The following ZC3HAV1 variants were observed in gnomAD, a reference collection of about 807,000 sequenced individuals.
ZC3HAV1 encodes the protein zinc finger CCCH-type antiviral protein 1.
In ZC3HAV1, 41 loss-of-function variants were observed where a neutral mutation model predicts 86.6. The ratio of observed to expected loss-of-function variants is 0.47; its 90% confidence interval spans 0.37 to 0.61. The LOEUF (loss-of-function observed/expected upper bound fraction) is 0.61. Among genes scored for constraint, ZC3HAV1 ranks in the 20% least tolerant of loss-of-function variants. ZC3HAV1 has a pLI of 0.00. For missense variants in ZC3HAV1, 964 were observed against 1,141.1 expected (o/e 0.84, Z 2.24); for synonymous variants, 421 against 432.1 (o/e 0.97, Z 0.32).
At chr7:139,051,118 C>T (rs1650856252) in intron 12 of ZC3HAV1, among the ~76,000 whole-genome samples, 1 of 150,626 alleles carries the variant, frequency 6.6e-6, no homozygotes, top group South Asian at 2.1e-4. Flanking sequence ...TGTGCAATGG[C>T]ATGATCTCAG....
At chr7:139,074,594 A>C (rs1032962135) in intron 6 of ZC3HAV1, among the ~76,000 whole-genome samples, 7 of 151,886 alleles carry the variant, frequency 4.6e-5, no homozygotes, top group Non-Finnish European at 7.4e-5. Context: ...TTAATTTGCA[A>C]AAATATAAAA....
chr7:139,083,042 A>G (rs1355180061), intron 3 of ZC3HAV1, among the ~76,000 whole-genome samples: 4 of 151,354 alleles, frequency 2.6e-5, no homozygotes, highest in African/African-American at 9.7e-5. Flanking sequence ...TGATATTTAC[A>G]TATATCAAAT....
chr7:139,104,743 A>AAAAAAC (rs1817878679), intron 1 of ZC3HAV1, among the ~76,000 whole-genome samples: 1 of 135,972 alleles, frequency 7.4e-6, no homozygotes, highest in Admixed American at 7.6e-5. Flanking sequence ...AAAAAAAAAA[A>AAAAAAC]AAAGTCAAAC....
intron 1 of ZC3HAV1, among the ~76,000 whole-genome samples, chr7:139,092,934 C>G (rs991805482): frequency 6.6e-6 from 1 of 152,260 alleles, no homozygotes; most frequent in Admixed American, 6.5e-5. Context: ...CCCACATTCC[C>G]TAGACTTCTC....
Position 139,095,770 on chromosome 7 carries a change from T to C in ZC3HAV1, c.309-6011A>G, listed in dbSNP as rs370717408. Among the ~76,000 whole-genome samples, 186 of 152,330 alleles carry C rather than the reference T, an allele frequency of 1.2e-3. 1 individual carries two copies. Among genetic ancestry groups the C allele is most frequent in the African/African-American group, 4.1e-3 (171 of 41,574 alleles). On this transcript the variant is annotated intron_variant, in intron 1 of 12. Transcript: ENST00000242351. ...TGACTTCTCTAGTCCCCTAAGTTCA[T>C]GGTTCACAAGCTTGTTGCCCATTAA...
At chr7:139,074,074 CCT>C (rs767007971) in intron 6 of ZC3HAV1, 44 bp from the exon 7 acceptor site, 21 of 1,560,424 alleles carry the variant, frequency 1.3e-5, no homozygotes, top group African/African-American at 2.7e-5. Context: ...TTCATTGACC[CCT>C]GTTTTCTACA....
chr7:139,088,119 C>T (rs766765829), intron 2 of ZC3HAV1, among the ~76,000 whole-genome samples: 113 of 151,570 alleles, frequency 7.5e-4, no homozygotes, highest in Non-Finnish European at 1.4e-3. Context: ...ATCCCTTCCA[C>T]TCACCCATTA....
intron 10 of ZC3HAV1, 51 bp downstream of exon 10, chr7:139,055,154 C>G: frequency 4.0e-6 from 6 of 1,512,442 alleles, no homozygotes; most frequent in Non-Finnish European, 5.5e-6. Context: ...TAGCAAAGTA[C>G]TTTTTCTAAC....
At chr7:139,097,428 A>ATATATATATTTTTTTTTTTTTTT in intron 1 of ZC3HAV1, among the ~76,000 whole-genome samples, 1 of 48,160 alleles carries the variant, frequency 2.1e-5, no homozygotes, top group African/African-American at 1.1e-4. Context: ...ATATATATAT[A>ATATATATATTTTTTTTTTTTTTT]TTTTTTTTTT....
At chr7:139,064,818 C>T (rs1816549397) in intron 8 of ZC3HAV1, 61 bp downstream of exon 8, 4 of 1,612,256 alleles carry the variant, frequency 2.5e-6, no homozygotes, top group Middle Eastern at 1.7e-4. Context: ...GCTCCCACTC[C>T]CACGTGTACA....
chr7:139,047,919 G>A lies in ZC3HAV1; in HGVS notation c.2450-66C>T, dbSNP rs1816008447. 6 of 1,501,530 alleles carry A rather than the reference G, an allele frequency of 4.0e-6. No individual in the cohort carries two copies. The Middle Eastern group carries it at 7.2e-4, about 180-fold the overall frequency. The allele number at this position is 1,501,530 out of a possible 1,614,324, so 93.0% of individuals were successfully genotyped here. A position where few individuals can be genotyped will look rare whatever the true frequency, so the allele number is the denominator to read the frequency against. The stretch of plus-strand genomic sequence containing the variant: ...AGAAGGTATACAGTTTATAAGATTT[G>A]TTATATACAGTCAGATGGGTGTGGA... On this transcript the variant is annotated intron_variant, in intron 12 of 12. Coordinates refer to ENST00000242351, the MANE Select transcript of ZC3HAV1 (RefSeq NM_020119.4).
At chr7:139,055,697 C>T (rs1816262921) in intron 9 of ZC3HAV1, among the ~76,000 whole-genome samples, 1 of 152,194 alleles carries the variant, frequency 6.6e-6, no homozygotes, top group African/African-American at 2.4e-5. Context: ...CCAGTATGAA[C>T]TGTATTTCAG....
intron 1 of ZC3HAV1, among the ~76,000 whole-genome samples, chr7:139,099,663 C>A (rs1380840176): frequency 1.3e-5 from 2 of 152,174 alleles, no homozygotes; most frequent in Non-Finnish European, 2.9e-5. Context: ...CTGAACTGTA[C>A]ACTTTAAAAT....
chr7:139,108,363 G>A lies in ZC3HAV1; in HGVS notation c.308+661C>T, dbSNP rs1817997427. Among the ~76,000 whole-genome samples the A allele has an allele frequency of 6.6e-6, 1 of 152,232 alleles. No homozygotes were observed. Among genetic ancestry groups the A allele is most frequent in the East Asian group, 1.9e-4 (1 of 5,184 alleles). On this transcript the variant is annotated intron_variant, in intron 1 of 12. Transcript: ENST00000242351. This position sits in a 1 kb window ranked among gnomAD's most constrained non-coding sequence, Gnocchi z 4.2. The stretch of plus-strand genomic sequence containing the variant: ...AGGGATTTAAGAGAGTTGTCCCAAG[G>A]CAGGCGGTCAACTGCGCGCGCCACC...
intron 1 of ZC3HAV1, among the ~76,000 whole-genome samples, chr7:139,102,015 A>AT (rs1173469967): frequency 1.3e-5 from 2 of 152,060 alleles, no homozygotes; most frequent in Non-Finnish European, 2.9e-5. Flanking sequence ...AAAAAAAAAA[A>AT]AAAATCAAAA....
intron 12 of ZC3HAV1, among the ~76,000 whole-genome samples, chr7:139,048,567 C>T (rs11978040): frequency 0.078 from 11,905 of 152,066 alleles, 1,053 homozygotes; most frequent in African/African-American, 0.22. Flanking sequence ...CATACCACTG[C>T]ACTCCAGCCT....
intron 6 of ZC3HAV1, 98 bp from the exon 7 acceptor site, chr7:139,074,128 G>A: frequency 8.4e-7 from 1 of 1,188,164 alleles, no homozygotes; most frequent in Non-Finnish European, 1.2e-6. Flanking sequence ...AAACTTTCAG[G>A]GCTAAAATAG....
At chr7:139,051,291 C>G (rs752088284) in intron 12 of ZC3HAV1, among the ~76,000 whole-genome samples, 7 of 152,076 alleles carry the variant, frequency 4.6e-5, no homozygotes, top group Non-Finnish European at 8.8e-5. Flanking sequence ...CTCCTGACCT[C>G]AAGTGATCTG....
chr7:139,052,120 CT>C (rs202009952), intron 12 of ZC3HAV1, among the ~76,000 whole-genome samples: 8 of 149,666 alleles, frequency 5.3e-5, no homozygotes, highest in East Asian at 3.9e-4. Context: ...CTCTTTTTTT[CT>C]TTTTTTTTCA....
Sources: allele counts gnomAD v4.1 joint callset (sites outside exome capture counted in the v4.1 genomes callset), GRCh38; gene constraint gnomAD v4.1.1; non-coding constraint Gnocchi (gnomAD v3.1); transcripts MANE v1.5; gene names NCBI Gene and HGNC (gene_info 2026-07-23, HGNC 2026-07-21).